Variants in ANGPT4 observed in about 807,000 individuals in gnomAD.
ANGPT4 encodes angiopoietin 4.
In ANGPT4, 50 loss-of-function variants were observed where a neutral mutation model predicts 53.0. The observed-to-expected ratio is 0.94, with a 90% confidence interval of 0.75 to 1.20. The LOEUF (loss-of-function observed/expected upper bound fraction) is 1.20. Ranked by LOEUF, ANGPT4 falls within the 50% of genes most tolerant of loss-of-function variation. The pLI is 0.00. For missense variants in ANGPT4, 648 were observed against 637.1 expected (o/e 1.02, Z -0.18); for synonymous variants, 251 against 259.7 (o/e 0.97, Z 0.32).
chr20:887,696 A>C (rs1017555962), intron 3 of ANGPT4, among the ~76,000 whole-genome samples: 2 of 150,988 alleles, frequency 1.3e-5, no homozygotes, highest in Admixed American at 1.3e-4. Flanking sequence ...TTGCTTATAA[A>C]TGCAAAGACT....
intron 7 of ANGPT4, among the ~76,000 whole-genome samples, chr20:877,553 T>C (rs1395430841): frequency 1.3e-5 from 2 of 152,128 alleles, no homozygotes; most frequent in Non-Finnish European, 2.9e-5. Context: ...GTGGGGAAGA[T>C]TAAATGGAAT....
rs926893468 is a variant in ANGPT4 at position 882,845 on chromosome 20, C to T, written c.836-1559G>A. On this transcript the variant is annotated intron_variant, in intron 4 of 8. Transcript: ENST00000381922. ...TCAACACAAAAAGTGAAATACTCACCATGTATTGTAGTGTTTCCAAGGTGT... is the reference window on the plus strand; with the variant it reads ...TCAACACAAAAAGTGAAATACTCACTATGTATTGTAGTGTTTCCAAGGTGT... Among the ~76,000 whole-genome samples, 9 of 152,130 alleles carry T rather than the reference C, an allele frequency of 5.9e-5. 1 individual carries two copies. Among genetic ancestry groups the T allele is most frequent in the Admixed American group, 5.9e-4 (9 of 15,274 alleles).
intron 1 of ANGPT4, among the ~76,000 whole-genome samples, chr20:904,455 T>C (rs1386115223): frequency 6.6e-6 from 1 of 152,124 alleles, no homozygotes; most frequent in Non-Finnish European, 1.5e-5. Flanking sequence ...CATTGTTTGC[T>C]CATCTAGTCC....
intron 1 of ANGPT4, among the ~76,000 whole-genome samples, chr20:906,088 C>T (rs1170602384): frequency 2.0e-5 from 3 of 152,140 alleles, no homozygotes. Context: ...TTGTGTAGTC[C>T]CCTCTCTCAA....
chr20:890,323 C>T lies in ANGPT4; in HGVS notation c.355G>A (p.Val119Ile). ...KTILRSKLEQ[V>I]QQQMAQNQTA... ...TGATTCTGGGCCATTTGCTGCTGGA[C>T]CTGCTCCAGCTTCGACCTCAAGATC... The change falls in exon 2 of 9, where the codon GTC becomes ATC. Residue 119 changes from valine to isoleucine, a missense_variant. Coordinates refer to ENST00000381922, the MANE Select transcript of ANGPT4 (RefSeq NM_015985.4). 1 of 1,613,690 alleles carries T rather than the reference C, an allele frequency of 6.2e-7. No individual in the cohort carries two copies. Among genetic ancestry groups the T allele is most frequent in the Non-Finnish European group, 8.5e-7 (1 of 1,179,980 alleles).
chr20:876,681 G>A (rs1045034896), intron 7 of ANGPT4, among the ~76,000 whole-genome samples: 5 of 152,160 alleles, frequency 3.3e-5, no homozygotes, highest in African/African-American at 7.2e-5. Context: ...GGATGGAGTC[G>A]GGATTTAAGC....
chr20:878,372 G>T, intron 6 of ANGPT4, 45 bp from the exon 7 acceptor site: 1 of 1,557,210 alleles, frequency 6.4e-7, no homozygotes, highest in East Asian at 2.3e-5. Context: ...TGAGGAGGAG[G>T]CCATGTCCCT....
Position 908,721 on chromosome 20 carries a change from A to G in ANGPT4, c.309+7185T>C, listed in dbSNP as rs1211945485. 1.3e-5 allele frequency among the ~76,000 whole-genome samples: 2 copies of G among 149,058 alleles called. No homozygotes were observed. The highest frequency in any genetic ancestry group is 3.0e-5 in the Non-Finnish European group (2 of 67,176). On this transcript the variant is annotated intron_variant, in intron 1 of 8. Coordinates refer to ENST00000381922, the MANE Select transcript of ANGPT4 (RefSeq NM_015985.4). This position sits in a 1 kb window ranked among gnomAD's most constrained non-coding sequence, Gnocchi z 4.9. ...GACAATTAAATGAATGCAGGAATGA[A>G]TATTCTTACCTGACAAACTAAGTTC...
chr20:910,294 A>G (rs771345969), intron 1 of ANGPT4, among the ~76,000 whole-genome samples: 1 of 152,226 alleles, frequency 6.6e-6, no homozygotes, highest in African/African-American at 2.4e-5. Context: ...AGTGTGTGGC[A>G]TACAGTAAAT....
chr20:903,790 G>C lies in ANGPT4; in HGVS notation c.309+12116C>G, dbSNP rs539954311. 1.0e-3 allele frequency among the ~76,000 whole-genome samples: 156 copies of C among 152,292 alleles called. No homozygotes were observed. In the Middle Eastern group the frequency reaches 0.014, roughly 13 times the overall value. On this transcript the variant is annotated intron_variant, in intron 1 of 8. Transcript: ENST00000381922. Reference sequence around the variant, plus strand: ...GTGCAGGGTGTGGAGATTTGAGCCCGGCCTGACGGTAAAAGGAAACGGGCT... The same window carrying C: ...GTGCAGGGTGTGGAGATTTGAGCCCCGCCTGACGGTAAAAGGAAACGGGCT...
In ANGPT4 at chr20:905,051, C is replaced by T. The variant is rs142973500; in HGVS notation, c.309+10855G>A. Among the ~76,000 whole-genome samples, 26 of 152,240 alleles carry T rather than the reference C, an allele frequency of 1.7e-4. No individual in the cohort carries two copies. In the East Asian group the frequency reaches 4.8e-3, roughly 28 times the overall value. On this transcript the variant is annotated intron_variant, in intron 1 of 8. Coordinates refer to ENST00000381922, the MANE Select transcript of ANGPT4 (RefSeq NM_015985.4). ...ATTGCACCCCCTCCCAATACGCATC[C>T]ACACCTCCCAATCTCAGTAGCACCA... is the stretch of plus-strand genomic sequence containing the variant.
At chr20:891,630 TC>T (rs532281542) in intron 1 of ANGPT4, among the ~76,000 whole-genome samples, 1 of 152,198 alleles carries the variant, frequency 6.6e-6, no homozygotes, top group Non-Finnish European at 1.5e-5. Context: ...TGGACAGCTC[TC>T]AGGGTCCTTG....
intron 1 of ANGPT4, among the ~76,000 whole-genome samples, chr20:897,549 A>T (rs1013125370): frequency 6.6e-6 from 1 of 152,146 alleles, no homozygotes; most frequent in African/African-American, 2.4e-5. Context: ...CTTGGTGTTT[A>T]ATCACTGCAG....
rs1982807194 is a variant in ANGPT4 at position 913,819 on chromosome 20, G to A, written c.309+2087C>T. ...TGGGCCAGCTGCCTGGGGGATAGGT[G>A]GGAGCCACAGGAAGCCCCCAGGGCA... On this transcript the variant is annotated intron_variant, in intron 1 of 8. Coordinates refer to ENST00000381922, the MANE Select transcript of ANGPT4 (RefSeq NM_015985.4). 2.6e-5 allele frequency among the ~76,000 whole-genome samples: 4 copies of A among 152,220 alleles called. No homozygotes were observed. In the South Asian group the frequency reaches 6.2e-4, roughly 24 times the overall value.
intron 1 of ANGPT4, among the ~76,000 whole-genome samples, chr20:893,658 A>G (rs1009837202): frequency 6.6e-6 from 1 of 152,010 alleles, no homozygotes; most frequent in Non-Finnish European, 1.5e-5. Context: ...TCCAATGAGC[A>G]TCTCAAGCCC....
chr20:887,256 C>T (rs181073833), intron 3 of ANGPT4, among the ~76,000 whole-genome samples: 17 of 152,298 alleles, frequency 1.1e-4, no homozygotes, highest in South Asian at 2.1e-4. Flanking sequence ...AATTCCTGCC[C>T]TGTCTTCATG....
chr20:898,189 G>A (rs993995449), intron 1 of ANGPT4, among the ~76,000 whole-genome samples: 2 of 151,478 alleles, frequency 1.3e-5, no homozygotes, highest in Admixed American at 6.6e-5. Context: ...CCTCCCTGAC[G>A]CTGCTCCTCG....
chr20:912,245 C>T (rs1474301666), intron 1 of ANGPT4, among the ~76,000 whole-genome samples: 1 of 152,196 alleles, frequency 6.6e-6, no homozygotes, highest in African/African-American at 2.4e-5. Flanking sequence ...TTATTGAGCA[C>T]CTGCTGTGTG....
intron 8 of ANGPT4, among the ~76,000 whole-genome samples, chr20:873,491 G>A (rs4813850): frequency 0.16 from 24,147 of 151,796 alleles, 2,211 homozygotes; most frequent in East Asian, 0.32. Context: ...CTCTCTCTGA[G>A]TCTCTCACTC....
Sources: allele counts gnomAD v4.1 joint callset (sites outside exome capture counted in the v4.1 genomes callset), GRCh38; gene constraint gnomAD v4.1.1; non-coding constraint Gnocchi (gnomAD v3.1); transcripts MANE v1.5; gene names NCBI Gene and HGNC (gene_info 2026-07-23, HGNC 2026-07-21).